Variants in DYNC2H1 observed in about 807,000 individuals in gnomAD.
The protein encoded by DYNC2H1 is cytoplasmic dynein 2 heavy chain 1.
Under a neutral mutation model 570.0 loss-of-function variants are expected in DYNC2H1, and 410 were observed. The observed-to-expected ratio is 0.72, with a 90% CI of 0.66 to 0.78. The LOEUF (loss-of-function observed/expected upper bound fraction) is 0.78. Among genes scored for constraint, DYNC2H1 ranks in the 30% least tolerant of loss-of-function variants. The pLI is 0.00. For missense variants in DYNC2H1, 4,865 were observed against 5,046.4 expected (o/e 0.96, Z 1.09); for synonymous variants, 1,688 against 1,677.6 (o/e 1.01, Z -0.15).
At chr11:103,140,762 A>C (rs886916581) in intron 17 of DYNC2H1, among the ~76,000 whole-genome samples, 2 of 152,108 alleles carry the variant, frequency 1.3e-5, no homozygotes, top group Non-Finnish European at 2.9e-5. Flanking sequence ...GCCTTGCTAG[A>C]TTGGGGAAGT....
intron 83 of DYNC2H1, among the ~76,000 whole-genome samples, chr11:103,390,893 T>A (rs1038664487): frequency 6.6e-6 from 1 of 152,230 alleles, no homozygotes; most frequent in African/African-American, 2.4e-5. Flanking sequence ...CTTCCCTTTG[T>A]GGGTAACCCG....
At chr11:103,300,276 GTCTTAT>G (rs1463023734) in intron 75 of DYNC2H1, among the ~76,000 whole-genome samples, 2 of 151,894 alleles carry the variant, frequency 1.3e-5, no homozygotes, top group Admixed American at 6.6e-5. Context: ...TTATTCGTTT[GTCTTAT>G]TCTTATTTTT....
At position 103,391,206 on chromosome 11, in the gene DYNC2H1, T is replaced by C. The variant is rs1942134114; in HGVS notation, c.12157-8457T>C. On this transcript the variant is annotated intron_variant, in intron 83 of 88. Coordinates refer to ENST00000375735, the MANE Select transcript of DYNC2H1 (RefSeq NM_001377.3). Reference sequence around the variant, plus strand: ...AGGCTTTGTTCATTTCTTTTTACTCTTTTTTCTCTAAACTTCTCTTCTCGC... The same window carrying C: ...AGGCTTTGTTCATTTCTTTTTACTCCTTTTTCTCTAAACTTCTCTTCTCGC... Among the ~76,000 whole-genome samples, 3 of 152,218 alleles carry C rather than the reference T, an allele frequency of 2.0e-5. 1 individual carries two copies. The highest frequency in any genetic ancestry group is 2.0e-4 in the Admixed American group (3 of 15,280).
At chr11:103,423,456 C>T (rs1250025318) in intron 84 of DYNC2H1, among the ~76,000 whole-genome samples, 3 of 141,698 alleles carry the variant, frequency 2.1e-5, no homozygotes, top group Non-Finnish European at 3.2e-5. Flanking sequence ...ACTGTGTCTC[C>T]AAAGATATAC....
At chr11:103,405,626 T>C (rs1224005551) in intron 84 of DYNC2H1, 24 of 151,978 alleles carry the variant, frequency 1.6e-4, no homozygotes, top group Admixed American at 1.6e-3. Context: ...ATGATTGGTA[T>C]GACCATAAAG....
chr11:103,310,699 G>GTTTTTTTTTTT, intron 78 of DYNC2H1, among the ~76,000 whole-genome samples: 1 of 32,096 alleles, frequency 3.1e-5, no homozygotes, highest in Non-Finnish European at 6.0e-5. Context: ...TTTTTTTTTT[G>GTTTTTTTTTTT]GGAGACTGAG....
At chr11:103,337,681 C>G (rs538179877) in intron 82 of DYNC2H1, among the ~76,000 whole-genome samples, 2 of 152,240 alleles carry the variant, frequency 1.3e-5, no homozygotes, top group Admixed American at 6.5e-5. Context: ...TGCATGTCTT[C>G]TTTTGAGAAA....
intron 20 of DYNC2H1, among the ~76,000 whole-genome samples, chr11:103,150,766 G>A (rs754869700): frequency 3.3e-5 from 5 of 152,108 alleles, no homozygotes; most frequent in African/African-American, 7.2e-5. Context: ...GAGGAGCAAA[G>A]GACATAAATG....
chr11:103,357,148 C>G (rs1206090983), intron 82 of DYNC2H1, among the ~76,000 whole-genome samples: 1 of 151,966 alleles, frequency 6.6e-6, no homozygotes, highest in African/African-American at 2.4e-5. Context: ...TAATATTTAG[C>G]ATAGTTAGTA....
chr11:103,138,660 T>G (rs1262621123), intron 17 of DYNC2H1, among the ~76,000 whole-genome samples: 2 of 152,246 alleles, frequency 1.3e-5, no homozygotes, highest in Non-Finnish European at 2.9e-5. Flanking sequence ...TCAAGGATAT[T>G]GGTCTGAAAT....
chr11:103,332,686 A>T lies in DYNC2H1; in HGVS notation c.12039+8696A>T, dbSNP rs191740248. Among the ~76,000 whole-genome samples the T allele has an allele frequency of 2.6e-5, 4 of 152,294 alleles. No individual in the cohort carries two copies. In the East Asian group the frequency reaches 7.7e-4, roughly 29 times the overall value. On this transcript the variant is annotated intron_variant, in intron 82 of 88. Coordinates refer to ENST00000375735, the MANE Select transcript of DYNC2H1 (RefSeq NM_001377.3). Reference sequence around the variant, plus strand: ...TGGAAACCACAAATTCTAACTCAGCAAAATATCTTTCAAAATGAAGTCAAG... The same window carrying T: ...TGGAAACCACAAATTCTAACTCAGCTAAATATCTTTCAAAATGAAGTCAAG...
chr11:103,236,143 T>C (rs1182080046), intron 62 of DYNC2H1, among the ~76,000 whole-genome samples: 1 of 151,998 alleles, frequency 6.6e-6, no homozygotes, highest in African/African-American at 2.4e-5. Context: ...TAGGCTGAGA[T>C]GCAAGAACTT....
rs187629721 is a variant in DYNC2H1 at position 103,363,814 on chromosome 11, G to A, written c.12156+5455G>A. Among the ~76,000 whole-genome samples, 66 of 152,276 alleles carry A rather than the reference G, an allele frequency of 4.3e-4. 1 individual carries two copies. The East Asian group carries it at 0.011, about 26-fold the overall frequency. On this transcript the variant is annotated intron_variant, in intron 83 of 88. Coordinates refer to ENST00000375735, the MANE Select transcript of DYNC2H1 (RefSeq NM_001377.3). This position sits in a 1 kb window ranked among gnomAD's most constrained non-coding sequence, Gnocchi z 5.6. ...TTCTCTGCTGCTTTATGTTTAAGGG[G>A]AGAAAACACTATTATATAAAAGGTA... is the stretch of plus-strand genomic sequence containing the variant.
At position 103,323,972 on chromosome 11, in the gene DYNC2H1, G is replaced by A; in HGVS notation, c.12021G>A (p.Gln4007=). 1 of 1,611,020 alleles carries A rather than the reference G, an allele frequency of 6.2e-7. No individual in the cohort carries two copies. The highest frequency in any genetic ancestry group is 8.5e-7 in the Non-Finnish European group (1 of 1,178,658). The change falls in exon 82 of 89, where the codon CAG becomes CAA. Residue 4007 remains glutamine (Q), a synonymous_variant. Transcript: ENST00000375735. ...CTGCCAATATCGCTCGCTCATCTCA[G>A]CGCATGATCAGTTCTCAGGTAACCT... ...GLPANIARSS[Q]RMISSQVISQ...
chr11:103,316,237 A>G (rs1392651473), intron 79 of DYNC2H1, among the ~76,000 whole-genome samples: 1 of 152,016 alleles, frequency 6.6e-6, no homozygotes, highest in African/African-American at 2.4e-5. Context: ...ATTTTAGGAA[A>G]TATCCCAATG....
At chr11:103,404,158 C>T (rs1942764039) in intron 84 of DYNC2H1, 1 of 151,822 alleles carries the variant, frequency 6.6e-6, no homozygotes, top group Non-Finnish European at 1.5e-5. Context: ...AACTGAACTG[C>T]ATGAGCCATT....
At chr11:103,434,660 G>A (rs1944000447) in intron 84 of DYNC2H1, among the ~76,000 whole-genome samples, 1 of 151,922 alleles carries the variant, frequency 6.6e-6, no homozygotes, top group South Asian at 2.1e-4. Context: ...AAAACTTACT[G>A]GCTTAAAATA....
rs755440188 is a variant in DYNC2H1, at chr11:103,243,840, G to C, written c.9918+49G>C. On this transcript the variant is annotated intron_variant, in intron 64 of 88. Transcript: ENST00000375735. The surrounding 1 kb of genome is among the most constrained non-coding windows in gnomAD (Gnocchi z 4.8). ...TACCAATTAGGAATGACCTCTTATA[G>C]TGAAAAGATCTTGGAGTCTATAATC... 2 of 1,403,798 alleles carry C rather than the reference G, an allele frequency of 1.4e-6. No individual in the cohort carries two copies. Among genetic ancestry groups the C allele is most frequent in the African/African-American group, 2.9e-5 (2 of 69,718 alleles). The allele number at this position is 1,403,798 out of a possible 1,614,324, so 87.0% of individuals were successfully genotyped here. A position where few individuals can be genotyped will look rare whatever the true frequency, so the allele number is the denominator to read the frequency against.
rs1937991305 is a variant in DYNC2H1, at chr11:103,318,571, A to G, written c.11725+1951A>G. 2.0e-5 allele frequency among the ~76,000 whole-genome samples: 3 copies of G among 152,102 alleles called. No individual in the cohort carries two copies. The South Asian group carries it at 6.2e-4, about 31-fold the overall frequency. ...TGCTGGTAGTTTTGAGTTTGGGATG[A>G]TTATGGGTAATGCTGCTATACCTTT... On this transcript the variant is annotated intron_variant, in intron 80 of 88. Coordinates refer to ENST00000375735, the MANE Select transcript of DYNC2H1 (RefSeq NM_001377.3).
Sources: allele counts gnomAD v4.1 joint callset (sites outside exome capture counted in the v4.1 genomes callset), GRCh38; gene constraint gnomAD v4.1.1; non-coding constraint Gnocchi (gnomAD v3.1); transcripts MANE v1.5; gene names NCBI Gene and HGNC (gene_info 2026-07-23, HGNC 2026-07-21).